ADGRG6: variants seen among roughly 807,000 people sequenced by gnomAD.
ADGRG6 encodes the protein G-protein coupled receptor 126.
In ADGRG6, 84 loss-of-function variants were observed where a neutral mutation model predicts 142.4. The observed-to-expected ratio is 0.59, with a 90% CI of 0.49 to 0.71. The LOEUF is 0.71. ADGRG6 is among the 30% of genes least tolerant of loss of function. ADGRG6 has a pLI of 0.00. For synonymous variants in ADGRG6, 521 were observed against 520.5 expected, an observed-to-expected ratio of 1.00 and a Z score of -0.01; for missense variants, 1,367 against 1,466.6, an observed-to-expected ratio of 0.93 and a Z score of 1.11.
At chr6:142,417,440 C>A in intron 21 of ADGRG6, 71 bp downstream of exon 21, 1 of 725,216 alleles carries the variant, frequency 1.4e-6, no homozygotes, top group Non-Finnish European at 2.4e-6. Context: ...AATTTCCATG[C>A]CAATAACAAG....
chr6:142,380,199 T>C (rs1418683966), intron 4 of ADGRG6, among the ~76,000 whole-genome samples: 1 of 152,118 alleles, frequency 6.6e-6, no homozygotes, highest in Admixed American at 6.5e-5. Context: ...AGAGGATAGA[T>C]TGTAAATGTT....
Position 142,302,099 on chromosome 6 carries a change from C to T in ADGRG6, c.-231C>T. On this transcript the variant is annotated 5_prime_UTR_variant, in exon 1 of 25. Coordinates refer to ENST00000367609, the MANE Select transcript of ADGRG6 (RefSeq NM_198569.3). The stretch of plus-strand genomic sequence containing the variant: ...TTCCCTGCGAGGAGGGACCTGCCGC[C>T]AGCCTGCTTCCTCGTCCGCAGGCCC... The T allele has an allele frequency of 1.9e-6, 1 of 534,716 alleles. No homozygotes were observed. The highest frequency in any genetic ancestry group is 3.3e-6 in the Non-Finnish European group (1 of 304,922). The allele number at this position is 534,716 out of a possible 1,614,324, so 33.1% of individuals were successfully genotyped here.
intron 2 of ADGRG6, among the ~76,000 whole-genome samples, chr6:142,341,393 A>ATATTATATAATATATTATATAATAT (rs1554235501): frequency 6.2e-4 from 78 of 124,832 alleles, no homozygotes; most frequent in African/African-American, 2.3e-3. Context: ...ACTATATATT[A>ATATTATATAATATATTATATAATAT]TATTATATAA....
chr6:142,336,497 C>T (rs1231314141), intron 2 of ADGRG6, among the ~76,000 whole-genome samples: 2 of 152,068 alleles, frequency 1.3e-5, no homozygotes, highest in African/African-American at 2.4e-5. Flanking sequence ...AAATAAATAA[C>T]CACAGCCCTT....
At chr6:142,434,623 G>A (rs910018342) in intron 22 of ADGRG6, among the ~76,000 whole-genome samples, 1 of 152,056 alleles carries the variant, frequency 6.6e-6, no homozygotes, top group Non-Finnish European at 1.5e-5. Context: ...GTCCGGCCCT[G>A]AAGAACTTTT....
Position 142,405,775 on chromosome 6 carries a change from G to C in ADGRG6, c.2215G>C (p.Val739Leu). Residue 739 changes from valine to leucine, a missense_variant, in exon 15 of 25, where the codon GTA becomes CTA. This residue lies in a region of ADGRG6 where 286 missense variants were observed against 371.4 expected (regional missense o/e 0.77). Coordinates refer to ENST00000367609, the MANE Select transcript of ADGRG6 (RefSeq NM_198569.3). ...TGAGAATTTAAGTCCAGAAGATTCT[G>C]TATTAGTTAGAAGAGCACAGTTTAC... ...LLENLSPEDS[V>L]LVRRAQFTFF... is the part of the protein sequence containing the mutation. 1 of 1,607,132 alleles carries C rather than the reference G, an allele frequency of 6.2e-7. No homozygotes were observed. The highest frequency in any genetic ancestry group is 8.5e-7 in the Non-Finnish European group (1 of 1,174,782).
intron 1 of ADGRG6, among the ~76,000 whole-genome samples, chr6:142,303,818 A>T (rs1274879617): frequency 6.6e-6 from 1 of 152,232 alleles, no homozygotes; most frequent in Non-Finnish European, 1.5e-5. Context: ...AAAATAAAAG[A>T]TGTTAAACTT....
intron 11 of ADGRG6, among the ~76,000 whole-genome samples, chr6:142,401,169 A>T (rs1459355888): frequency 6.6e-6 from 1 of 152,178 alleles, no homozygotes; most frequent in African/African-American, 2.4e-5. Context: ...TCAGAAATGG[A>T]AACTGCCTAA....
intron 1 of ADGRG6, among the ~76,000 whole-genome samples, chr6:142,307,220 C>T (rs1486054535): frequency 1.3e-5 from 2 of 152,042 alleles, no homozygotes; most frequent in South Asian, 2.1e-4. Context: ...AGATAATTGT[C>T]GTATGTCAAA....
chr6:142,420,761 T>C (rs759649558), intron 22 of ADGRG6, among the ~76,000 whole-genome samples: 12 of 152,158 alleles, frequency 7.9e-5, no homozygotes, highest in Non-Finnish European at 1.6e-4. Context: ...TATTCCATAA[T>C]ACATACCATA....
At chr6:142,428,502 T>C (rs2115147247) in intron 22 of ADGRG6, among the ~76,000 whole-genome samples, 1 of 152,310 alleles carries the variant, frequency 6.6e-6, no homozygotes, top group Admixed American at 6.5e-5. Flanking sequence ...TTCACACTGC[T>C]ATATAGAACT....
chr6:142,417,017 C>A, intron 20 of ADGRG6: 1 of 487,428 alleles, frequency 2.1e-6, no homozygotes. Context: ...ACTAAGCAAA[C>A]AGAATTTTAT....
intron 2 of ADGRG6, among the ~76,000 whole-genome samples, chr6:142,357,703 T>C (rs1050863560): frequency 9.2e-5 from 14 of 152,188 alleles, no homozygotes; most frequent in African/African-American, 3.1e-4. Context: ...TCCCAACTTA[T>C]TGGGAAGGTA....
Position 142,393,910 on chromosome 6 carries a change from C to T in ADGRG6, c.1376C>T (p.Ala459Val). Residue 459 changes from alanine (A) to valine (V), a missense_variant, in exon 9 of 25, where the codon GCT (alanine) becomes GTT (valine). This residue lies in a region of ADGRG6 where 737 missense variants were observed against 746.5 expected (regional missense o/e 0.99). Transcript: ENST00000367609. ...TGTGTTTTTAGTTTTCACCTGAGTG[C>T]TGGAGAGGACAAGATTAAAGTCAAG... ...YVVNISFHLS[A>V]GEDKIKVKRS... 1 of 1,556,752 alleles carries T rather than the reference C, an allele frequency of 6.4e-7. No homozygotes were observed. Among genetic ancestry groups the T allele is most frequent in the Non-Finnish European group, 8.7e-7 (1 of 1,146,786 alleles).
chr6:142,344,894 C>T (rs866448271), intron 2 of ADGRG6, among the ~76,000 whole-genome samples: 9 of 151,918 alleles, frequency 5.9e-5, no homozygotes, highest in Admixed American at 5.9e-4. Context: ...TGAAAAATCT[C>T]CTCAGATGTT....
intron 2 of ADGRG6, among the ~76,000 whole-genome samples, chr6:142,356,766 T>C (rs1583029773): frequency 6.6e-6 from 1 of 152,130 alleles, no homozygotes; most frequent in East Asian, 1.9e-4. Flanking sequence ...GGTTTGCTAA[T>C]GGAGGAGCCA....
intron 2 of ADGRG6, among the ~76,000 whole-genome samples, chr6:142,363,345 A>G (rs1016307805): frequency 1.3e-5 from 2 of 152,092 alleles, no homozygotes; most frequent in African/African-American, 4.8e-5. Context: ...TAAAAAAAAA[A>G]CCTCACAAGT....
At position 142,388,597 on chromosome 6, in the gene ADGRG6, G is replaced by T. The variant is rs556719028; in HGVS notation, c.1223-1661G>T. Among the ~76,000 whole-genome samples, 12 of 152,070 alleles carry T rather than the reference G, an allele frequency of 7.9e-5. No individual in the cohort carries two copies. The East Asian group carries it at 1.9e-3, about 24-fold the overall frequency. ...AGCTTGCTGAACCCACCTTAAACAC[G>T]TTCAGAACACTTACCTTAGCCTACA... On this transcript the variant is annotated intron_variant, in intron 6 of 24. Transcript: ENST00000367609.
At chr6:142,407,171 A>T (rs943399525) in intron 15 of ADGRG6, among the ~76,000 whole-genome samples, 7 of 53,462 alleles carry the variant, frequency 1.3e-4, no homozygotes, top group African/African-American at 5.0e-4. Flanking sequence ...CCGTCTCTTT[A>T]AAAAAAAAAA....
Sources: gnomAD v4.1 joint callset for allele counts (sites outside exome capture counted in the v4.1 genomes callset) on GRCh38, gnomAD v4.1.1 for gene constraint, gnomAD v4.1.1 regional missense constraint, MANE v1.5 for transcripts, NCBI Gene and HGNC (gene_info 2026-07-23, HGNC 2026-07-21) for gene names.